Variants in XPO5 observed in about 807,000 individuals in gnomAD.
XPO5 encodes exportin-5.
XPO5 carries 46 observed loss-of-function variants against 160.6 expected under a neutral mutation model. The ratio of observed to expected loss-of-function variants is 0.29; its 90% CI spans 0.23 to 0.37. The LOEUF (loss-of-function observed/expected upper bound fraction) is 0.37, where lower values mean the gene tolerates loss of function less well. Ranked by LOEUF, XPO5 falls within the 10% of genes least tolerant of loss-of-function variation. The pLI is 1.00. For synonymous variants in XPO5, 537 were observed against 519.3 expected, an observed-to-expected ratio of 1.03 and a Z score of -0.46; for missense variants, 1,090 against 1,463.9, an observed-to-expected ratio of 0.74 and a Z score of 4.17.
At chr6:43,542,722 A>C (rs1159801008) in intron 20 of XPO5, among the ~76,000 whole-genome samples, 2 of 152,170 alleles carry the variant, frequency 1.3e-5, no homozygotes, top group African/African-American at 4.8e-5. Context: ...CACTGTGCCC[A>C]GCCAAAAAAT....
intron 21 of XPO5, among the ~76,000 whole-genome samples, 188 bp from the exon 22 acceptor site, chr6:43,531,763 C>G (rs552161066): frequency 1.3e-5 from 2 of 152,026 alleles, no homozygotes; most frequent in Admixed American, 1.3e-4. Context: ...TACTTAAGGA[C>G]CCAGGACTTT....
rs746237786 is a variant in XPO5 at position 43,572,573 on chromosome 6, C to T, written c.233G>A (p.Arg78Gln). 63 of 1,613,760 alleles carry T rather than the reference C, an allele frequency of 3.9e-5. No individual in the cohort carries two copies. The highest frequency in any genetic ancestry group is 3.3e-5 in the Admixed American group (2 of 59,966). Reference sequence around the variant, plus strand: ...CTCCAATCGAGACATGCCGTTCCACCGAAACCTGACCACCAAAATGCATAA... The same window carrying T: ...CTCCAATCGAGACATGCCGTTCCACTGAAACCTGACCACCAAAATGCATAA... ...LQILEHVVKFRWNGMSRLEKV... is the reference protein window; with the variant it reads ...LQILEHVVKFQWNGMSRLEKV... The change falls in exon 3 of 32, where the codon CGG (arginine) becomes CAG (glutamine). Residue 78 changes from arginine (R) to glutamine (Q), a missense_variant. Transcript: ENST00000265351.
rs1406202776 is a variant in XPO5 at position 43,565,765 on chromosome 6, A to G, written c.835-29T>C. 3.9e-6 allele frequency: 6 copies of G among 1,526,102 alleles called. No individual in the cohort carries two copies. The East Asian group carries it at 9.2e-5, about 23-fold the overall frequency. The allele number at this position is 1,526,102 out of a possible 1,614,324, so 94.5% of individuals were successfully genotyped here. On this transcript the variant is annotated intron_variant, in intron 7 of 31. Coordinates refer to ENST00000265351, the MANE Select transcript of XPO5 (RefSeq NM_020750.3). ...GACCCAATTTTAGGGAAACATAGTCATATAAACTATACTTCAAAGTACCGA... is the reference window on the plus strand; with the variant it reads ...GACCCAATTTTAGGGAAACATAGTCGTATAAACTATACTTCAAAGTACCGA...
intron 20 of XPO5, among the ~76,000 whole-genome samples, chr6:43,545,779 T>A (rs1794937188): frequency 6.6e-6 from 1 of 151,812 alleles, no homozygotes; most frequent in African/African-American, 2.4e-5. Flanking sequence ...AATAACTGAA[T>A]TATATAAAAA....
chr6:43,541,295 C>T (rs1794677932), intron 20 of XPO5, among the ~76,000 whole-genome samples: 4 of 152,128 alleles, frequency 2.6e-5, no homozygotes, highest in Admixed American at 2.6e-4. Context: ...AGGATAAATG[C>T]TTGAGGGGAT....
intron 20 of XPO5, 97 bp downstream of exon 20, chr6:43,546,474 A>G: frequency 3.3e-6 from 4 of 1,220,370 alleles, no homozygotes; most frequent in Non-Finnish European, 4.4e-6. Flanking sequence ...TCCCTCATTA[A>G]TACCACTAAG....
At chr6:43,537,202 C>T (rs1402374480) in intron 20 of XPO5, among the ~76,000 whole-genome samples, 1 of 150,084 alleles carries the variant, frequency 6.7e-6, no homozygotes, top group East Asian at 1.9e-4. Context: ...AAACTCCTGG[C>T]CCCAAGAGAT....
chr6:43,550,511 G>T (rs922562429), intron 15 of XPO5, among the ~76,000 whole-genome samples: 1 of 152,122 alleles, frequency 6.6e-6, no homozygotes, highest in Non-Finnish European at 1.5e-5. Context: ...CTCCTCCAAT[G>T]ATGGTGATTC....
chr6:43,523,458 T>C lies in XPO5; in HGVS notation c.*410A>G, dbSNP rs1793325372. 8.8e-6 allele frequency: 3 copies of C among 341,972 alleles called. No individual in the cohort carries two copies. The highest frequency in any genetic ancestry group is 4.6e-5 in the South Asian group (2 of 43,026). The allele number at this position is 341,972 out of a possible 1,614,324, so 21.2% of individuals were successfully genotyped here. On this transcript the variant is annotated 3_prime_UTR_variant, in exon 32 of 32. Transcript: ENST00000265351. ...GGTCCAAGAGAAACTCTGGCACAAG[T>C]AGTTGAGGGCTGTGCTCTTGCTGCG...
Position 43,528,148 on chromosome 6 carries a change from G to T in XPO5, c.2822+11C>A. ...TTCATCCACCAAGAAGAGTGGGTAG[G>T]TATCCCTTACCACAGCAGGCTCCTT... On this transcript the variant is annotated intron_variant, in intron 25 of 31. Coordinates refer to ENST00000265351, the MANE Select transcript of XPO5 (RefSeq NM_020750.3). 6.3e-7 allele frequency: 1 copy of T among 1,587,862 alleles called. No homozygotes were observed. The highest frequency in any genetic ancestry group is 8.6e-7 in the Non-Finnish European group (1 of 1,166,450).
At chr6:43,544,384 G>A (rs766300035) in intron 20 of XPO5, 1 of 152,512 alleles carries the variant, frequency 6.6e-6, no homozygotes, top group African/African-American at 2.4e-5. Flanking sequence ...TGATTGATAG[G>A]AAGGTGACTA....
chr6:43,525,715 C>G, intron 28 of XPO5, 124 bp downstream of exon 28: 2 of 1,045,552 alleles, frequency 1.9e-6, no homozygotes, highest in Non-Finnish European at 2.7e-6. Flanking sequence ...GCCTTTGGAA[C>G]CAGGAACTTA....
At chr6:43,566,150 T>C (rs903755966) in intron 7 of XPO5, among the ~76,000 whole-genome samples, 8 of 152,136 alleles carry the variant, frequency 5.3e-5, no homozygotes, top group Non-Finnish European at 1.0e-4. Flanking sequence ...CCTAGCACTT[T>C]GGGAGGTCAA....
chr6:43,571,531 T>C (rs969768633), intron 3 of XPO5, among the ~76,000 whole-genome samples: 3 of 152,196 alleles, frequency 2.0e-5, no homozygotes, highest in Admixed American at 2.0e-4. Context: ...AGTCATCCAG[T>C]CATCACACCT....
chr6:43,567,485 C>A, intron 6 of XPO5, 131 bp from the exon 7 acceptor site: 1 of 757,758 alleles, frequency 1.3e-6, no homozygotes, highest in Non-Finnish European at 2.0e-6. Flanking sequence ...GTAACAGTCA[C>A]AGGTAGGGAA....
intron 2 of XPO5, among the ~76,000 whole-genome samples, chr6:43,573,205 T>C (rs543651014): frequency 1.3e-5 from 2 of 152,334 alleles, no homozygotes; most frequent in Non-Finnish European, 2.9e-5. Context: ...TAATGACATA[T>C]AGTCAGAGCT....
intron 8 of XPO5, among the ~76,000 whole-genome samples, chr6:43,563,074 T>C (rs1366374667): frequency 6.6e-6 from 1 of 151,394 alleles, no homozygotes; most frequent in Non-Finnish European, 1.5e-5. Context: ...TTATAATATA[T>C]AGTTCTGCCT....
intron 18 of XPO5, 42 bp from the exon 19 acceptor site, chr6:43,547,749 A>C: frequency 6.4e-7 from 1 of 1,572,994 alleles, no homozygotes; most frequent in East Asian, 2.2e-5. Flanking sequence ...TCATGACTTT[A>C]AACAAGGACA....
At chr6:43,529,192 A>T in intron 23 of XPO5, 2 of 1,449,742 alleles carry the variant, frequency 1.4e-6, no homozygotes, top group Non-Finnish European at 1.9e-6. Context: ...ATAAAAAAAT[A>T]GGAAGGAGGA....
Sources: allele counts gnomAD v4.1 joint callset (sites outside exome capture counted in the v4.1 genomes callset), GRCh38; gene constraint gnomAD v4.1.1; transcripts MANE v1.5; gene names NCBI Gene and HGNC (gene_info 2026-07-23, HGNC 2026-07-21).